Variants in ZMAT4 observed in about 807,000 individuals in gnomAD.
ZMAT4 encodes zinc finger matrin-type protein 4.
A neutral mutation model predicts 28.7 loss-of-function variants in ZMAT4; 17 were observed. That is an observed-to-expected ratio of 0.59 (90% CI 0.41 to 0.89). ZMAT4 has a LOEUF of 0.89. Ranked by LOEUF, ZMAT4 falls within the 40% of genes least tolerant of loss-of-function variation. The pLI, the probability that ZMAT4 is intolerant of heterozygous loss-of-function variation, is 0.00. For synonymous variants in ZMAT4, 117 were observed against 109.2 expected (o/e 1.07, Z -0.44); for missense variants, 240 against 283.8 (o/e 0.85, Z 1.11).
At chr8:40,681,566 C>T (rs923733134) in intron 4 of ZMAT4, among the ~76,000 whole-genome samples, 3 of 152,178 alleles carry the variant, frequency 2.0e-5, no homozygotes, top group African/African-American at 7.2e-5. Context: ...CAGGGAAGCA[C>T]CTCACCTCCG....
intron 2 of ZMAT4, among the ~76,000 whole-genome samples, chr8:40,815,812 T>G (rs917635505): frequency 2.0e-5 from 3 of 152,242 alleles, no homozygotes; most frequent in African/African-American, 7.2e-5. Flanking sequence ...TAGCTTGTTA[T>G]TCTTTTGCCT....
intron 5 of ZMAT4, among the ~76,000 whole-genome samples, chr8:40,611,963 C>T (rs1264721349): frequency 2.0e-5 from 3 of 152,126 alleles, no homozygotes; most frequent in Admixed American, 2.0e-4. Flanking sequence ...GATCAGACCC[C>T]CACTGTCATT....
chr8:40,686,281 G>A (rs1809403187), intron 4 of ZMAT4, among the ~76,000 whole-genome samples: 1 of 152,078 alleles, frequency 6.6e-6, no homozygotes, highest in African/African-American at 2.4e-5. Flanking sequence ...TTGGGAGGCT[G>A]AGGTGGGAAG....
At chr8:40,635,319 T>A (rs1406673481) in intron 5 of ZMAT4, among the ~76,000 whole-genome samples, 1 of 152,136 alleles carries the variant, frequency 6.6e-6, no homozygotes, top group Non-Finnish European at 1.5e-5. Flanking sequence ...GGAAATTATG[T>A]CCTTGTTACC....
rs1812291871 is a variant in ZMAT4 at position 40,747,591 on chromosome 8, A to G, written c.192+20050T>C. On this transcript the variant is annotated intron_variant, in intron 3 of 6. Transcript: ENST00000297737. ...CATGCCCAGGAGTATGTCATAAAGC[A>G]TACAGAAAAAAAAACAACACATAAA... Among the ~76,000 whole-genome samples, 3 of 152,084 alleles carry G rather than the reference A, an allele frequency of 2.0e-5. No homozygotes were observed. In the South Asian group the frequency reaches 6.2e-4, roughly 32 times the overall value.
chr8:40,634,347 C>T (rs1276759356), intron 5 of ZMAT4, among the ~76,000 whole-genome samples: 2 of 152,158 alleles, frequency 1.3e-5, no homozygotes, highest in Non-Finnish European at 2.9e-5. Flanking sequence ...AACCTGATTC[C>T]TCTGTGTATC....
At chr8:40,563,414 G>A (rs1409463616) in intron 6 of ZMAT4, among the ~76,000 whole-genome samples, 4 of 152,040 alleles carry the variant, frequency 2.6e-5, no homozygotes, top group South Asian at 2.1e-4. Context: ...ATATCCTTGC[G>A]GTATCTGACA....
chr8:40,801,352 A>AAATATATATATATATATATATATG (rs774919666), intron 2 of ZMAT4, among the ~76,000 whole-genome samples: 17 of 72,146 alleles, frequency 2.4e-4, no homozygotes, highest in African/African-American at 7.3e-4. Context: ...AAAAAAAAAA[A>AAATATATATATATATATATATATG]TATATATATA....
At chr8:40,543,022 G>A (rs748323964) in intron 6 of ZMAT4, among the ~76,000 whole-genome samples, 12 of 152,176 alleles carry the variant, frequency 7.9e-5, no homozygotes, top group Non-Finnish European at 1.8e-4. Context: ...AGCAGTTTCT[G>A]TCAGTCCTGT....
At chr8:40,870,765 C>T (rs994391638) in intron 1 of ZMAT4, among the ~76,000 whole-genome samples, 4 of 152,176 alleles carry the variant, frequency 2.6e-5, no homozygotes, top group Non-Finnish European at 5.9e-5. Flanking sequence ...AGGCAATTGA[C>T]TCAATAAAGC....
At chr8:40,821,893 C>A (rs1391301885) in intron 2 of ZMAT4, among the ~76,000 whole-genome samples, 1 of 152,156 alleles carries the variant, frequency 6.6e-6, no homozygotes, top group Non-Finnish European at 1.5e-5. Context: ...AAGATAGATA[C>A]CAAGATTTTT....
intron 1 of ZMAT4, among the ~76,000 whole-genome samples, chr8:40,862,780 T>C (rs1462296978): frequency 6.6e-6 from 1 of 151,238 alleles, no homozygotes; most frequent in African/African-American, 2.4e-5. Flanking sequence ...ATGAGAACAC[T>C]TGGACACAGG....
intron 3 of ZMAT4, among the ~76,000 whole-genome samples, chr8:40,750,549 G>A (rs530141616): frequency 2.5e-4 from 38 of 152,258 alleles, no homozygotes; most frequent in African/African-American, 6.0e-4. Flanking sequence ...TATTAAAAGC[G>A]AATGATACAA....
At chr8:40,559,276 T>A (rs1012001552) in intron 6 of ZMAT4, among the ~76,000 whole-genome samples, 24 of 152,306 alleles carry the variant, frequency 1.6e-4, no homozygotes, top group African/African-American at 5.8e-4. Context: ...AGTGCCTTCA[T>A]GTCCCTGCTT....
chr8:40,729,192 G>A (rs1439072456), intron 3 of ZMAT4, among the ~76,000 whole-genome samples: 1 of 152,124 alleles, frequency 6.6e-6, no homozygotes, highest in Non-Finnish European at 1.5e-5. Flanking sequence ...TTGTAAGGAG[G>A]GCTAGGACAT....
chr8:40,673,316 C>A (rs1808762998), intron 5 of ZMAT4, among the ~76,000 whole-genome samples: 1 of 152,090 alleles, frequency 6.6e-6, no homozygotes, highest in African/African-American at 2.4e-5. Flanking sequence ...GTAGCATGAC[C>A]TTTTATATTA....
chr8:40,630,819 A>T (rs944150668), intron 5 of ZMAT4, among the ~76,000 whole-genome samples: 1 of 152,226 alleles, frequency 6.6e-6, no homozygotes, highest in African/African-American at 2.4e-5. Flanking sequence ...CAACAGAAAC[A>T]AAATAAGAGC....
chr8:40,568,573 T>G (rs1803996285), intron 6 of ZMAT4, among the ~76,000 whole-genome samples: 1 of 152,178 alleles, frequency 6.6e-6, no homozygotes, highest in Non-Finnish European at 1.5e-5. Flanking sequence ...CACCTCAACA[T>G]TCATCTACCC....
intron 1 of ZMAT4, among the ~76,000 whole-genome samples, chr8:40,887,484 A>G (rs1416369643): frequency 5.0e-4 from 70 of 138,766 alleles, no homozygotes; most frequent in Non-Finnish European, 4.7e-5. Flanking sequence ...GCGAGACTTC[A>G]TCTCAGAAAA....
Sources: gnomAD v4.1 joint callset for allele counts (sites outside exome capture counted in the v4.1 genomes callset) on GRCh38, gnomAD v4.1.1 for gene constraint, MANE v1.5 for transcripts, NCBI Gene and HGNC (gene_info 2026-07-23, HGNC 2026-07-21) for gene names.